WLS: variants seen among roughly 807,000 people sequenced by gnomAD.
WLS encodes the protein protein wntless homolog.
WLS carries 23 observed loss-of-function variants against 62.8 expected under a neutral mutation model. The observed-to-expected ratio is 0.37, with a 90% CI of 0.26 to 0.52. The LOEUF is 0.52. Ranked by LOEUF, WLS falls within the 20% of genes least tolerant of loss-of-function variation. The probability of loss-of-function intolerance (pLI) is 0.92; values close to 1 mark genes in which losing one functional copy is unlikely to be tolerated. For synonymous variants in WLS, 246 were observed against 244.1 expected, an observed-to-expected ratio of 1.01 and a Z score of -0.07; for missense variants, 615 against 697.3, an observed-to-expected ratio of 0.88 and a Z score of 1.33.
intron 9 of WLS, 58 bp from the exon 10 acceptor site, chr1:68,144,710 A>G (rs1557473469): frequency 1.5e-6 from 2 of 1,372,044 alleles, no homozygotes; most frequent in East Asian, 4.6e-5. Context: ...TTTTCTCACT[A>G]TGTAAATCTA....
intron 11 of WLS, among the ~76,000 whole-genome samples, chr1:68,113,592 C>A (rs940580576): frequency 6.6e-6 from 1 of 152,154 alleles, no homozygotes; most frequent in African/African-American, 2.4e-5. Flanking sequence ...GGCATGGGAC[C>A]CCCTTGGGTA....
intron 1 of WLS, among the ~76,000 whole-genome samples, chr1:68,204,654 A>G (rs972773208): frequency 1.3e-5 from 2 of 152,180 alleles, no homozygotes; most frequent in African/African-American, 4.8e-5. Flanking sequence ...TAAATAGTCT[A>G]TGCAATTATT....
Position 68,148,162 on chromosome 1 carries a change from T to C in WLS, c.1108A>G (p.Thr370Ala), listed in dbSNP as rs1448847233. The C allele has an allele frequency of 1.2e-5, 19 of 1,613,988 alleles. No individual in the cohort carries two copies. The South Asian group carries it at 1.9e-4, about 16-fold the overall frequency. Reference protein sequence around the residue: ...QLTNPFYSIWTTDIGTELAMA... With the variant: ...QLTNPFYSIWATDIGTELAMA... Reference sequence around the variant, plus strand: ...GCCAGCTCTGTTCCAATGTCTGTAGTCCAGATACTGTAGAAGGGATTCGTG... The same window carrying C: ...GCCAGCTCTGTTCCAATGTCTGTAGCCCAGATACTGTAGAAGGGATTCGTG... The change falls in exon 8 of 12, where the codon ACT becomes GCT. Residue 370 changes from threonine to alanine, a missense_variant. Physicochemically the swap from Thr to Ala is moderately conservative, Grantham distance 58. Coordinates refer to ENST00000262348, the MANE Select transcript of WLS (RefSeq NM_024911.7).
chr1:68,101,311 A>ATTG (rs1341065387), intron 11 of WLS, among the ~76,000 whole-genome samples: 1 of 152,088 alleles, frequency 6.6e-6, no homozygotes, highest in African/African-American at 2.4e-5. Flanking sequence ...ATTTGCTATT[A>ATTG]TTATTATTAT....
chr1:68,202,069 G>A (rs1649048234), intron 1 of WLS: 1 of 152,182 alleles, frequency 6.6e-6, no homozygotes, highest in Non-Finnish European at 1.5e-5. Flanking sequence ...TATTTGTCAG[G>A]ATCTACGTGG....
At chr1:68,138,588 A>G (rs1226559582) in intron 10 of WLS, 1 of 152,242 alleles carries the variant, frequency 6.6e-6, no homozygotes, top group Non-Finnish European at 1.5e-5. Flanking sequence ...GAAAATAATT[A>G]TGAAGCTTTC....
intron 2 of WLS, among the ~76,000 whole-genome samples, chr1:68,193,214 A>G (rs2100602182): frequency 6.6e-6 from 1 of 151,752 alleles, no homozygotes; most frequent in Admixed American, 6.6e-5. Flanking sequence ...TTTCCCTCAC[A>G]TCCTTGATCC....
chr1:68,154,986 T>TG, intron 4 of WLS, 113 bp downstream of exon 4: 1 of 1,135,330 alleles, frequency 8.8e-7, no homozygotes, highest in Non-Finnish European at 1.2e-6. Flanking sequence ...TCAGCCATCA[T>TG]GAGTATGTTA....
intron 10 of WLS, chr1:68,142,997 C>T (rs975102326): frequency 6.6e-6 from 1 of 152,144 alleles, no homozygotes; most frequent in African/African-American, 2.4e-5. Flanking sequence ...GATATTTTCA[C>T]ATCAATTACA....
At chr1:68,125,085 G>C (rs890557085), downstream of WLS, among the ~76,000 whole-genome samples, 2 of 152,124 alleles carry the variant, frequency 1.3e-5, no homozygotes, top group Non-Finnish European at 2.9e-5. Context: ...AACGAAAAAG[G>C]CTATTGGGGA....
chr1:68,232,217 G>C lies in WLS; in HGVS notation c.83C>G (p.Ala28Gly). 2 of 1,614,150 alleles carry C rather than the reference G, an allele frequency of 1.2e-6. No individual in the cohort carries two copies. The highest frequency in any genetic ancestry group is 1.7e-6 in the Non-Finnish European group (2 of 1,180,020). ...ACCAATCAAGCCTCCCACCAGAAAGGCGATGATTTGGAACACGAGCAGAAT... is the reference window on the plus strand; with the variant it reads ...ACCAATCAAGCCTCCCACCAGAAAGCCGATGATTTGGAACACGAGCAGAAT... ...GGILLVFQII[A>G]FLVGGLIAPG... Residue 28 changes from alanine (A) to glycine (G), a missense_variant, in exon 1 of 12, where the codon GCC (alanine) becomes GGC (glycine). Transcript: ENST00000262348.
intron 1 of WLS, among the ~76,000 whole-genome samples, chr1:68,220,996 G>A (rs1649918858): frequency 1.3e-5 from 2 of 152,138 alleles, no homozygotes; most frequent in South Asian, 4.1e-4. Flanking sequence ...AGGGAAGGAA[G>A]GTATTGGAGG....
At chr1:68,105,675 AAC>A (rs1646134156) in intron 11 of WLS, among the ~76,000 whole-genome samples, 1 of 152,178 alleles carries the variant, frequency 6.6e-6, no homozygotes, top group African/African-American at 2.4e-5. Context: ...ATAAATGGGA[AAC>A]ACACAAAAGA....
rs553607184 is a variant in WLS, at chr1:68,194,173, C to G, written c.161G>C (p.Arg54Pro). 3.7e-6 allele frequency: 6 copies of G among 1,614,058 alleles called. No individual in the cohort carries two copies. Among genetic ancestry groups the G allele is most frequent in the Non-Finnish European group, 3.4e-6 (4 of 1,180,028 alleles). Residue 54 changes from arginine to proline, a missense_variant, in exon 2 of 12, where the codon CGT (arginine) becomes CCT (proline). Coordinates refer to ENST00000262348, the MANE Select transcript of WLS (RefSeq NM_024911.7). ...SYMSVKCVDA[R>P]KNHHKTKWFV... ...CCATTTTGTCTTGTGATGGTTCTTA[C>G]GGGCATCCACACATTTCACCGACAT... is the stretch of plus-strand genomic sequence containing the variant.
At chr1:68,128,720 G>T (rs2100387861) in intron 11 of WLS, among the ~76,000 whole-genome samples, 1 of 152,258 alleles carries the variant, frequency 6.6e-6, no homozygotes, top group African/African-American at 2.4e-5. Flanking sequence ...ATGTCATAAT[G>T]CTTAACACGT....
chr1:68,118,839 T>C (rs576466068), intron 11 of WLS, among the ~76,000 whole-genome samples: 13 of 118,068 alleles, frequency 1.1e-4, no homozygotes, highest in African/African-American at 4.4e-4. Flanking sequence ...ATCACGCCAC[T>C]GCATTCCAGC....
chr1:68,210,796 G>C (rs1360162789), intron 1 of WLS, among the ~76,000 whole-genome samples: 8 of 152,176 alleles, frequency 5.3e-5, no homozygotes, highest in Non-Finnish European at 2.9e-5. Context: ...AGAAAATGTT[G>C]TTTAGGTGAC....
At chr1:68,118,898 A>AAAAAAAAAAAAAAAAAC in intron 11 of WLS, among the ~76,000 whole-genome samples, 1 of 147,526 alleles carries the variant, frequency 6.8e-6, no homozygotes. Context: ...AAAAAAAAAA[A>AAAAAAAAAAAAAAAAAC]AAAAGCACCT....
chr1:68,130,158 C>T (rs999646618), intron 11 of WLS, among the ~76,000 whole-genome samples: 7 of 152,154 alleles, frequency 4.6e-5, no homozygotes, highest in East Asian at 3.9e-4. Flanking sequence ...TTCTTAGGAC[C>T]GGCAGCATTT....
Sources: allele counts gnomAD v4.1 joint callset (sites outside exome capture counted in the v4.1 genomes callset), GRCh38; gene constraint gnomAD v4.1.1; transcripts MANE v1.5; gene names NCBI Gene and HGNC (gene_info 2026-07-23, HGNC 2026-07-21).